Variants in RCOR3 observed in about 807,000 individuals in gnomAD.
RCOR3 encodes REST corepressor 3.
RCOR3 carries 13 observed loss-of-function variants against 64.1 expected under a neutral mutation model. That is an observed-to-expected ratio of 0.20 (90% CI 0.13 to 0.32). The LOEUF is 0.32. RCOR3 is among the 10% of genes least tolerant of loss of function. RCOR3 has a pLI of 1.00. For missense variants in RCOR3, 489 were observed against 701.2 expected, an observed-to-expected ratio of 0.70 and a Z score of 3.42; for synonymous variants, 215 against 239.0, an observed-to-expected ratio of 0.90 and a Z score of 0.93.
chr1:211,281,449 C>T (rs1361589471), intron 7 of RCOR3, among the ~76,000 whole-genome samples: 1 of 152,106 alleles, frequency 6.6e-6, no homozygotes, highest in Non-Finnish European at 1.5e-5. Flanking sequence ...ATCTCCGTGC[C>T]TCCCTTTCCA....
intron 6 of RCOR3, 64 bp downstream of exon 6, chr1:211,278,305 C>CAG: frequency 6.5e-7 from 1 of 1,539,044 alleles, no homozygotes; most frequent in South Asian, 1.2e-5. Context: ...CTTACATTTC[C>CAG]TAAGGCAGAA....
chr1:211,276,236 G>A, intron 4 of RCOR3, 21 bp from the exon 5 acceptor site: 1 of 1,606,934 alleles, frequency 6.2e-7, no homozygotes, highest in Non-Finnish European at 8.5e-7. Flanking sequence ...AAAACCAAAG[G>A]GGAATGATTT....
chr1:211,274,433 A>G (rs1369050278), intron 4 of RCOR3, among the ~76,000 whole-genome samples, 171 bp downstream of exon 4: 1 of 152,140 alleles, frequency 6.6e-6, no homozygotes, highest in Non-Finnish European at 1.5e-5. Context: ...GTTTGCTTTT[A>G]TAAACATTAT....
chr1:211,270,099 G>A (rs1695904436), intron 2 of RCOR3, among the ~76,000 whole-genome samples: 1 of 144,396 alleles, frequency 6.9e-6, no homozygotes, highest in Admixed American at 7.0e-5. Context: ...GCCTGGCTCT[G>A]TTACCCAGGC....
intron 8 of RCOR3, among the ~76,000 whole-genome samples, chr1:211,291,002 T>C (rs1359348158): frequency 6.6e-6 from 1 of 151,978 alleles, no homozygotes; most frequent in Non-Finnish European, 1.5e-5. Flanking sequence ...GTTGCTTTAG[T>C]GATTACAATA....
At chr1:211,262,036 TTTTTTTTTTTTTTTTTTTTGAGGTGAA>T (rs1348209370) in intron 2 of RCOR3, among the ~76,000 whole-genome samples, 1 of 90,492 alleles carries the variant, frequency 1.1e-5, no homozygotes, top group Non-Finnish European at 2.4e-5. Context: ...ATAAAAACTT[TTTTTTTTTTTTTTTTTTTTGAGGTGAA>T]GTCTTACTCT....
Position 211,312,836 on chromosome 1 carries a change from G to A in RCOR3, c.1192G>A (p.Val398Ile), listed in dbSNP as rs1214622775. 3 of 1,614,192 alleles carry A rather than the reference G, an allele frequency of 1.9e-6. No homozygotes were observed. Among genetic ancestry groups the A allele is most frequent in the Non-Finnish European group, 1.7e-6 (2 of 1,180,016 alleles). ...NYRRRFNLEE[V>I]LQEWEAEQGT... ...CAGGCGTCGGTTTAACTTAGAGGAGGTATTGCAGGAGTGGGAAGCAGAACA... is the reference window on the plus strand; with the variant it reads ...CAGGCGTCGGTTTAACTTAGAGGAGATATTGCAGGAGTGGGAAGCAGAACA... Residue 398 changes from valine (V) to isoleucine (I), a missense_variant, in exon 11 of 12, where the codon GTA (valine) becomes ATA (isoleucine). This residue lies in a region of RCOR3 where 402 missense variants were observed against 617.0 expected (regional missense o/e 0.65). Transcript: ENST00000419091. The surrounding 1 kb of genome is among the most constrained non-coding windows in gnomAD (Gnocchi z 5.0).
chr1:211,285,568 A>G (rs1166079148), intron 7 of RCOR3, among the ~76,000 whole-genome samples: 1 of 152,234 alleles, frequency 6.6e-6, no homozygotes, highest in Non-Finnish European at 1.5e-5. Context: ...GGGAAGGAAT[A>G]TAGACCCCTG....
chr1:211,299,543 A>T (rs1486857427), intron 9 of RCOR3, among the ~76,000 whole-genome samples: 1 of 152,198 alleles, frequency 6.6e-6, no homozygotes, highest in African/African-American at 2.4e-5. Context: ...ATCGAGTAGA[A>T]GATTTAATTT....
At chr1:211,276,681 T>C (rs1476076568) in intron 5 of RCOR3, among the ~76,000 whole-genome samples, 2 of 152,192 alleles carry the variant, frequency 1.3e-5, no homozygotes, top group Non-Finnish European at 2.9e-5. Context: ...ATTTCGTATG[T>C]TTATTGTTCC....
intron 5 of RCOR3, among the ~76,000 whole-genome samples, chr1:211,277,204 T>G: frequency 6.6e-6 from 1 of 151,946 alleles, no homozygotes. Context: ...GCTCTGTATT[T>G]CTAGTTCCTA....
rs1701630468 is a variant in RCOR3 at position 211,312,786 on chromosome 1, A to G, written c.1142A>G (p.Gln381Arg). ...ADVIGNKTVG[Q>R]VKNFFVNYRR... ...GTAATTGGCAACAAGACTGTTGGCC[A>G]AGTGAAGAACTTCTTTGTAAACTAC... The change falls in exon 11 of 12, where the codon CAA (glutamine) becomes CGA (arginine). Residue 381 changes from glutamine (Q) to arginine (R), a missense_variant. By Grantham distance (43) the Gln-to-Arg change is conservative (BLOSUM62 1). Around this residue, in one of 2 missense-constraint regions of RCOR3, gnomAD observed 402 missense variants for 617.0 expected, o/e 0.65. Coordinates refer to ENST00000419091, the MANE Select transcript of RCOR3 (RefSeq NM_001136223.3). This position sits in a 1 kb window ranked among gnomAD's most constrained non-coding sequence, Gnocchi z 5.0. 6.2e-7 allele frequency: 1 copy of G among 1,614,248 alleles called. No homozygotes were observed. The highest frequency in any genetic ancestry group is 8.5e-7 in the Non-Finnish European group (1 of 1,180,052).
In RCOR3 at chr1:211,312,293, G is replaced by T; in HGVS notation, c.1076-427G>T. ...AGGCTACTCACTCAGTCCATTGAGG[G>T]GATAAGAGAGATGGCTCATTCCCAT... On this transcript the variant is annotated intron_variant, in intron 10 of 11. Transcript: ENST00000419091. The surrounding 1 kb of genome is among the most constrained non-coding windows in gnomAD (Gnocchi z 5.0). 1 of 455,354 alleles carries T rather than the reference G, an allele frequency of 2.2e-6. No individual in the cohort carries two copies. Among genetic ancestry groups the T allele is most frequent in the South Asian group, 1.6e-5 (1 of 64,482 alleles). 28.2% of individuals were successfully genotyped at this position (455,354 alleles called of 1,614,324 possible). A position where few individuals can be genotyped will look rare whatever the true frequency, so the allele number is the denominator to read the frequency against.
intron 2 of RCOR3, among the ~76,000 whole-genome samples, chr1:211,265,827 TA>T (rs201312328): frequency 0.028 from 4,263 of 152,326 alleles, 79 homozygotes; most frequent in South Asian, 0.073. Context: ...CATAATTGAT[TA>T]AAACTCTAGT....
At position 211,279,333 on chromosome 1, in the gene RCOR3, G is replaced by T; in HGVS notation, c.720+17G>T. 1 of 1,566,558 alleles carries T rather than the reference G, an allele frequency of 6.4e-7. No individual in the cohort carries two copies. The highest frequency in any genetic ancestry group is 8.8e-7 in the Non-Finnish European group (1 of 1,138,730). On this transcript the variant is annotated intron_variant, in intron 7 of 11. Coordinates refer to ENST00000419091, the MANE Select transcript of RCOR3 (RefSeq NM_001136223.3). ...AAAAAAGAGGTAATGATGATCACTA[G>T]AAGTACTTGTGATTGTTCTACAAAT...
At position 211,259,385 on chromosome 1, in the gene RCOR3, G is replaced by A; in HGVS notation, c.-176G>A. ...GGGCGGGTTGTTGTGAGGCGACTGC[G>A]CTACTGCCGGAGCGGGGCGGTTATG... On this transcript the variant is annotated 5_prime_UTR_variant, in exon 1 of 12. Coordinates refer to ENST00000419091, the MANE Select transcript of RCOR3 (RefSeq NM_001136223.3). The A allele has an allele frequency of 1.7e-6, 1 of 587,556 alleles. No homozygotes were observed. Among genetic ancestry groups the A allele is most frequent in the Non-Finnish European group, 2.9e-6 (1 of 342,944 alleles). 36.4% of individuals were successfully genotyped at this position (587,556 alleles called of 1,614,324 possible).
rs1265051435 is a variant in RCOR3, at chr1:211,313,267, TTAAAA to T, written c.1318-151_1318-147del. On this transcript the variant is annotated intron_variant, in intron 11 of 11. Coordinates refer to ENST00000419091, the MANE Select transcript of RCOR3 (RefSeq NM_001136223.3). This position sits in a 1 kb window ranked among gnomAD's most constrained non-coding sequence, Gnocchi z 4.7. The stretch of plus-strand genomic sequence containing the variant: ...TTTTTGGTTTTTGGTTTTGTTTTGT[TTAAAA>T]TAAAAGAAGCTTGTGCTTCCAATAA... 6 of 1,433,438 alleles carry T rather than the reference TTAAAA, an allele frequency of 4.2e-6. No individual in the cohort carries two copies. Among genetic ancestry groups the T allele is most frequent in the Non-Finnish European group, 5.5e-6 (6 of 1,099,050 alleles). The allele number at this position is 1,433,438 out of a possible 1,614,324, so 88.8% of individuals were successfully genotyped here.
At chr1:211,284,913 T>C (rs1341538533) in intron 7 of RCOR3, among the ~76,000 whole-genome samples, 1 of 152,222 alleles carries the variant, frequency 6.6e-6, no homozygotes, top group Non-Finnish European at 1.5e-5. Context: ...TATGCCTGGC[T>C]CTCTATTCTG....
At chr1:211,262,336 A>C (rs988458949) in intron 2 of RCOR3, among the ~76,000 whole-genome samples, 9 of 152,104 alleles carry the variant, frequency 5.9e-5, no homozygotes, top group Non-Finnish European at 1.3e-4. Context: ...CGCCCAGCCT[A>C]TAAAAACTAA....
Sources: gnomAD v4.1 joint callset for allele counts (sites outside exome capture counted in the v4.1 genomes callset) on GRCh38, gnomAD v4.1.1 for gene constraint, gnomAD v4.1.1 regional missense constraint, Gnocchi (gnomAD v3.1) non-coding constraint, MANE v1.5 for transcripts, NCBI Gene and HGNC (gene_info 2026-07-23, HGNC 2026-07-21) for gene names.